ADGRE1: variants seen among roughly 807,000 people sequenced by gnomAD.
ADGRE1 encodes the protein adhesion G protein-coupled receptor E1, also known as EGF-like module receptor 1.
A neutral mutation model predicts 102.7 loss-of-function variants in ADGRE1; 82 were observed. The observed-to-expected ratio is 0.80, with a 90% CI of 0.67 to 0.96. ADGRE1 has a LOEUF of 0.96. ADGRE1 is among the 40% of genes least tolerant of loss of function. ADGRE1 has a pLI of 0.00. For synonymous variants in ADGRE1, 398 were observed against 399.6 expected (o/e 1.00, Z 0.05); for missense variants, 1,032 against 1,085.3 (o/e 0.95, Z 0.69).
At chr19:6,919,837 G>C (rs1974567302) in intron 13 of ADGRE1, 90 bp downstream of exon 13, 1 of 1,300,832 alleles carries the variant, frequency 7.7e-7, no homozygotes, top group African/African-American at 1.5e-5. Flanking sequence ...TTTACGGGAA[G>C]CTATTGAGGC....
intron 17 of ADGRE1, among the ~76,000 whole-genome samples, chr19:6,929,100 T>G (rs1975037763): frequency 6.6e-6 from 1 of 152,038 alleles, no homozygotes; most frequent in African/African-American, 2.4e-5. Context: ...GGTCCATGAG[T>G]CTCTCTGAAG....
At chr19:6,937,154 G>A in intron 18 of ADGRE1, 89 bp from the exon 19 acceptor site, 4 of 1,451,266 alleles carry the variant, frequency 2.8e-6, no homozygotes, top group Non-Finnish European at 3.7e-6. Context: ...AAATTGGAGA[G>A]TGGCCACCTC....
chr19:6,919,248 G>A (rs1437559919), intron 12 of ADGRE1, among the ~76,000 whole-genome samples: 6 of 151,352 alleles, frequency 4.0e-5, no homozygotes, highest in Non-Finnish European at 8.8e-5. Flanking sequence ...GGTCAGGATG[G>A]TCTCGATCTC....
Position 6,897,506 on chromosome 19 carries a change from G to C in ADGRE1, c.473G>C (p.Ser158Thr). Residue 158 changes from serine (S) to threonine (T), a missense_variant, in exon 5 of 21, where the codon AGC (serine) becomes ACC (threonine). By Grantham distance (58) the Ser-to-Thr change is moderately conservative (BLOSUM62 1). Transcript: ENST00000312053. ...AACTCCATGGGAAGCTACAGTTGCA[G>C]CTGTCAAGTTGGATTCATCTCTAGA... The part of the protein sequence containing the change: ...CVNSMGSYSC[S>T]CQVGFISRNS... 1 of 1,594,904 alleles carries C rather than the reference G, an allele frequency of 6.3e-7. No individual in the cohort carries two copies. Among genetic ancestry groups the C allele is most frequent in the Non-Finnish European group, 8.5e-7 (1 of 1,173,050 alleles).
At position 6,887,586 on chromosome 19, in the gene ADGRE1, T is replaced by C. The variant is rs557621688; in HGVS notation, c.-23T>C. On this transcript the variant is annotated 5_prime_UTR_variant, in exon 1 of 21. Transcript: ENST00000312053. The stretch of plus-strand genomic sequence containing the variant: ...GCGTTAGTAGAAAAGTTTCTTTTCT[T>C]TGAATGACAGAACTACAGCATAATG... 2.5e-6 allele frequency: 4 copies of C among 1,611,470 alleles called. No individual in the cohort carries two copies. Among genetic ancestry groups the C allele is most frequent in the East Asian group, 4.5e-5 (2 of 44,700 alleles).
intron 15 of ADGRE1, 134 bp downstream of exon 15, chr19:6,925,006 C>A: frequency 2.5e-6 from 2 of 802,456 alleles, no homozygotes; most frequent in African/African-American, 1.7e-5. Flanking sequence ...CTGCCTGTAA[C>A]ACTCACTTCC....
chr19:6,898,256 A>G (rs1973641474), intron 5 of ADGRE1: 1 of 1,504,896 alleles, frequency 6.6e-7, no homozygotes, highest in Admixed American at 2.0e-5. Context: ...TTGGCAAAAT[A>G]CAGTCTTCTA....
chr19:6,929,405 C>G (rs897621379), intron 17 of ADGRE1, among the ~76,000 whole-genome samples: 5 of 152,140 alleles, frequency 3.3e-5, no homozygotes, highest in Admixed American at 2.6e-4. Context: ...CGCGAGGAAG[C>G]TGGCCACCCA....
intron 15 of ADGRE1, among the ~76,000 whole-genome samples, chr19:6,925,617 T>C (rs8101538): frequency 0.55 from 83,193 of 152,062 alleles, 25,559 homozygotes; most frequent in African/African-American, 0.83. Flanking sequence ...AGAGAATGAC[T>C]CTGCAATAAT....
At chr19:6,914,501 G>A (rs1039362972) in intron 11 of ADGRE1, among the ~76,000 whole-genome samples, 6 of 152,188 alleles carry the variant, frequency 3.9e-5, no homozygotes, top group African/African-American at 1.4e-4. Flanking sequence ...AATAGTGGTT[G>A]CTGTAGATCT....
intron 14 of ADGRE1, among the ~76,000 whole-genome samples, chr19:6,922,612 T>TCACA (rs770150909): frequency 0.019 from 2,315 of 123,136 alleles, 25 homozygotes; most frequent in East Asian, 0.035. Flanking sequence ...AGACTCTGTC[T>TCACA]CACACACACA....
intron 5 of ADGRE1, among the ~76,000 whole-genome samples, chr19:6,898,121 G>A: frequency 6.6e-6 from 1 of 152,060 alleles, no homozygotes; most frequent in East Asian, 1.9e-4. Flanking sequence ...ATGACCTAGT[G>A]TCACTTCCAC....
At chr19:6,917,496 TGG>T (rs1341818679) in intron 12 of ADGRE1, among the ~76,000 whole-genome samples, 1 of 151,968 alleles carries the variant, frequency 6.6e-6, no homozygotes, top group East Asian at 1.9e-4. Flanking sequence ...CCCAACACTT[TGG>T]GAGGTGGAGG....
rs1375247691 is a variant in ADGRE1, at chr19:6,890,600, G to C, written c.94+57G>C. On this transcript the variant is annotated intron_variant, in intron 2 of 20. Transcript: ENST00000312053. ...AAGGGGTAGAGAAAGTTTTCTCCCC[G>C]GGGAAACATCCCAGGAAGCTGAGCC... is the stretch of plus-strand genomic sequence containing the variant. 1.1e-5 allele frequency: 17 copies of C among 1,560,860 alleles called. No individual in the cohort carries two copies. In the South Asian group the frequency reaches 1.7e-4, roughly 16 times the overall value.
intron 6 of ADGRE1, among the ~76,000 whole-genome samples, chr19:6,902,415 GT>G (rs529646342): frequency 2.1e-3 from 315 of 151,676 alleles, no homozygotes; most frequent in Admixed American, 4.9e-3. Flanking sequence ...TTGTTTGTTT[GT>G]TTTTTGTTTT....
At chr19:6,919,326 G>A (rs556275607) in intron 12 of ADGRE1, among the ~76,000 whole-genome samples, 1 of 151,168 alleles carries the variant, frequency 6.6e-6, no homozygotes, top group Non-Finnish European at 1.5e-5. Context: ...CACCATGCCC[G>A]GCCAGAGGTT....
At chr19:6,890,645 G>A in intron 2 of ADGRE1, 102 bp downstream of exon 2, 2 of 1,255,834 alleles carry the variant, frequency 1.6e-6, no homozygotes, top group South Asian at 2.6e-5. Flanking sequence ...TGCTTGCTGG[G>A]AGCTAGTTAG....
At chr19:6,934,186 C>CA (rs771663137) in intron 17 of ADGRE1, among the ~76,000 whole-genome samples, 1 of 152,062 alleles carries the variant, frequency 6.6e-6, no homozygotes, top group Non-Finnish European at 1.5e-5. Context: ...GAGGCTGTTG[C>CA]ACGGATGGGC....
At chr19:6,939,778 A>T (rs1307118634) in intron 20 of ADGRE1, among the ~76,000 whole-genome samples, 1 of 152,202 alleles carries the variant, frequency 6.6e-6, no homozygotes, top group Non-Finnish European at 1.5e-5. Flanking sequence ...ATTTTGAACC[A>T]ACAGCTGTTT....
Sources: gnomAD v4.1 joint callset for allele counts (sites outside exome capture counted in the v4.1 genomes callset) on GRCh38, gnomAD v4.1.1 for gene constraint, MANE v1.5 for transcripts, NCBI Gene and HGNC (gene_info 2026-07-23, HGNC 2026-07-21) for gene names.